ARHGAP42: variants seen among roughly 807,000 people sequenced by gnomAD.
ARHGAP42 encodes the protein Rho GTPase activating protein 42, also known as rho GTPase-activating protein 42.
ARHGAP42 carries 63 observed loss-of-function variants against 125.0 expected under a neutral mutation model. The ratio of observed to expected loss-of-function variants is 0.50; its 90% CI spans 0.41 to 0.62. ARHGAP42 has a LOEUF of 0.62. Ranked by LOEUF, ARHGAP42 falls within the 20% of genes least tolerant of loss-of-function variation. ARHGAP42 has a pLI of 0.00. For synonymous variants in ARHGAP42, 339 were observed against 351.0 expected (o/e 0.97, Z 0.38); for missense variants, 766 against 1,024.2 (o/e 0.75, Z 3.44).
intron 1 of ARHGAP42, among the ~76,000 whole-genome samples, chr11:100,703,242 T>C (rs1861426891): frequency 6.6e-6 from 1 of 152,168 alleles, no homozygotes; most frequent in African/African-American, 2.4e-5. Context: ...GTGTTGGCAT[T>C]GCCACTAACC....
At chr11:100,859,412 G>C in intron 3 of ARHGAP42, 142 bp from the exon 4 acceptor site, 1 of 624,710 alleles carries the variant, frequency 1.6e-6, no homozygotes, top group South Asian at 2.1e-5. Flanking sequence ...TAGAAGAACT[G>C]TATATAACAT....
intron 3 of ARHGAP42, among the ~76,000 whole-genome samples, chr11:100,799,366 G>A (rs965542305): frequency 6.6e-6 from 1 of 152,184 alleles, no homozygotes; most frequent in African/African-American, 2.4e-5. Context: ...GGAGACTGAC[G>A]TTTTCTGGTG....
rs568229183 is a variant in ARHGAP42 at position 100,688,496 on chromosome 11, G to C, written c.154+664G>C. Reference sequence around the variant, plus strand: ...CAATCAGAACTTTTGATGATCTGTAGAATATAAAGACTGTTATAGTCTATA... The same window carrying C: ...CAATCAGAACTTTTGATGATCTGTACAATATAAAGACTGTTATAGTCTATA... On this transcript the variant is annotated intron_variant, in intron 1 of 23. Coordinates refer to ENST00000298815, the MANE Select transcript of ARHGAP42 (RefSeq NM_152432.4). 5.9e-5 allele frequency among the ~76,000 whole-genome samples: 9 copies of C among 152,246 alleles called. No homozygotes were observed. The South Asian group carries it at 1.9e-3, about 32-fold the overall frequency.
chr11:100,837,666 C>CTTTTTTTTTTTTTTTTTTTTTTTTTTTT lies in ARHGAP42; in HGVS notation c.313-21884_313-21857dup, dbSNP rs373059302. On this transcript the variant is annotated intron_variant, in intron 3 of 23. Transcript: ENST00000298815. ...CAGTTCCCAGAATCTAGGTGTCATCCTTTTTTTTTTTTTTTTTTTTTTTTT... is the reference window on the plus strand; with the variant it reads ...CAGTTCCCAGAATCTAGGTGTCATCCTTTTTTTTTTTTTTTTTTTTTTTTTTTTTTTTTTTTTTTTTTTTTTTTTTTTT... Among the ~76,000 whole-genome samples, 9 of 61,064 alleles carry CTTTTTTTTTTTTTTTTTTTTTTTTTTTT rather than the reference C, an allele frequency of 1.5e-4. 1 individual carries two copies. The highest frequency in any genetic ancestry group is 1.9e-4 in the Admixed American group (1 of 5,152). 40.1% of individuals were successfully genotyped at this position (61,064 alleles called of 152,430 possible). A position where few individuals can be genotyped will look rare whatever the true frequency, so the allele number is the denominator to read the frequency against.
intron 1 of ARHGAP42, among the ~76,000 whole-genome samples, chr11:100,766,222 G>GGTGTGTGT (rs145892062): frequency 0.2 from 30,285 of 149,094 alleles, 3,053 homozygotes; most frequent in Non-Finnish European, 0.22. Flanking sequence ...AAGGATGTGG[G>GGTGTGTGT]GTGTGTGTGT....
intron 4 of ARHGAP42, among the ~76,000 whole-genome samples, chr11:100,875,180 ATTTTTAT>A (rs1015460423): frequency 7.0e-6 from 1 of 142,996 alleles, no homozygotes; most frequent in Non-Finnish European, 1.5e-5. Flanking sequence ...TGGTTGTTAC[ATTTTTAT>A]TTTTTATTTT....
At chr11:100,847,706 G>C (rs1865103453) in intron 3 of ARHGAP42, among the ~76,000 whole-genome samples, 1 of 152,086 alleles carries the variant, frequency 6.6e-6, no homozygotes, top group Non-Finnish European at 1.5e-5. Flanking sequence ...ATGAAGGAGA[G>C]GCCTTGGTCT....
intron 8 of ARHGAP42, among the ~76,000 whole-genome samples, chr11:100,936,955 C>T (rs1332406919): frequency 2.0e-5 from 3 of 152,208 alleles, no homozygotes; most frequent in African/African-American, 7.2e-5. Context: ...ACTACATTCA[C>T]GCTTTCAAAC....
At chr11:100,849,751 C>T (rs1443517623) in intron 3 of ARHGAP42, among the ~76,000 whole-genome samples, 1 of 152,012 alleles carries the variant, frequency 6.6e-6, no homozygotes, top group African/African-American at 2.4e-5. Flanking sequence ...TAAAGATATA[C>T]TGTGTGTGTG....
chr11:100,732,203 C>T (rs1054321714), intron 1 of ARHGAP42, among the ~76,000 whole-genome samples: 1 of 152,102 alleles, frequency 6.6e-6, no homozygotes, highest in Admixed American at 6.5e-5. Context: ...GTGATCCTCC[C>T]GCATCAGCCT....
intron 1 of ARHGAP42, among the ~76,000 whole-genome samples, chr11:100,747,149 G>A (rs1862323572): frequency 6.6e-6 from 1 of 152,124 alleles, no homozygotes; most frequent in Non-Finnish European, 1.5e-5. Flanking sequence ...GAAGGTGGAG[G>A]ATAAACTAAG....
In ARHGAP42 at chr11:100,965,783, C is replaced by G. The variant is rs1056694478; in HGVS notation, c.1550+7C>G. ...TAATAAAGCATCTGGTCAAGTAATT[C>G]TCTAACTTACATTGTTCATTTAACT... On this transcript the variant is annotated splice_region_variant and intron_variant, in intron 17 of 23. Transcript: ENST00000298815. The G allele has an allele frequency of 3.2e-6, 5 of 1,541,710 alleles. No homozygotes were observed. Among genetic ancestry groups the G allele is most frequent in the Non-Finnish European group, 4.4e-6 (5 of 1,138,170 alleles).
In ARHGAP42 at chr11:100,943,752, G is replaced by C. The variant is rs1308088953; in HGVS notation, c.934-7G>C. The C allele has an allele frequency of 2.6e-6, 4 of 1,532,360 alleles. No homozygotes were observed. Among genetic ancestry groups the C allele is most frequent in the African/African-American group, 1.4e-5 (1 of 72,580 alleles). The allele number at this position is 1,532,360 out of a possible 1,614,324, so 94.9% of individuals were successfully genotyped here. ...ATGTTAATACTGTGGTACTCTTCTT[G>C]TTTCAGAATGGCCTTGTTACTAGCT... On this transcript the variant is annotated splice_region_variant and splice_polypyrimidine_tract_variant and intron_variant, in intron 9 of 23. Transcript: ENST00000298815.
chr11:100,749,920 A>C (rs1862405704), intron 1 of ARHGAP42, among the ~76,000 whole-genome samples: 1 of 152,166 alleles, frequency 6.6e-6, no homozygotes, highest in African/African-American at 2.4e-5. Flanking sequence ...TCGCCATAGT[A>C]TGTGAGGATC....
intron 10 of ARHGAP42, among the ~76,000 whole-genome samples, chr11:100,945,016 G>A (rs938707728): frequency 2.0e-5 from 3 of 151,960 alleles, no homozygotes; most frequent in Non-Finnish European, 4.4e-5. Context: ...TTTCAAAATT[G>A]GAGTCAGTCC....
chr11:100,738,975 A>G lies in ARHGAP42; in HGVS notation c.155-31368A>G, dbSNP rs1027251834. ...ATCCATGCTTATAAAGAAAGCATGT[A>G]TTTCAGAACTTAGGAAAAAAGCTGT... On this transcript the variant is annotated intron_variant, in intron 1 of 23. Transcript: ENST00000298815. Among the ~76,000 whole-genome samples, 3 of 152,222 alleles carry G rather than the reference A, an allele frequency of 2.0e-5. No homozygotes were observed. In the East Asian group the frequency reaches 5.8e-4, roughly 29 times the overall value.
At chr11:100,948,364 T>G in intron 10 of ARHGAP42, 93 bp from the exon 11 acceptor site, 1 of 837,754 alleles carries the variant, frequency 1.2e-6, no homozygotes, top group Non-Finnish European at 1.6e-6. Flanking sequence ...TCTTTTCTCT[T>G]AACTTTTTTT....
At chr11:100,843,764 G>C (rs959596886) in intron 3 of ARHGAP42, among the ~76,000 whole-genome samples, 1 of 151,936 alleles carries the variant, frequency 6.6e-6, no homozygotes, top group African/African-American at 2.4e-5. Context: ...ACCTTTACAA[G>C]GAAAACTGCA....
chr11:100,986,744 T>C (rs11224540), intron 22 of ARHGAP42, among the ~76,000 whole-genome samples: 74,254 of 151,904 alleles, frequency 0.49, 19,621 homozygotes, highest in African/African-American at 0.65. Flanking sequence ...AAAGGAGACC[T>C]GCCTGGTGCC....
Sources: gnomAD v4.1 joint callset for allele counts (sites outside exome capture counted in the v4.1 genomes callset) on GRCh38, gnomAD v4.1.1 for gene constraint, MANE v1.5 for transcripts, NCBI Gene and HGNC (gene_info 2026-07-23, HGNC 2026-07-21) for gene names.